PLXDC2: variants seen among roughly 807,000 people sequenced by gnomAD.
The protein encoded by PLXDC2 is plexin domain containing 2, also known as plexin domain-containing protein 2.
In PLXDC2, 40 loss-of-function variants were observed where a neutral mutation model predicts 68.9. The ratio of observed to expected loss-of-function variants is 0.58; its 90% CI spans 0.45 to 0.76. The LOEUF (loss-of-function observed/expected upper bound fraction) is 0.76. Among genes scored for constraint, PLXDC2 ranks in the 30% least tolerant of loss-of-function variants. The pLI, the probability that PLXDC2 is intolerant of heterozygous loss-of-function variation, is 0.00. For missense variants in PLXDC2, 644 were observed against 661.9 expected, an observed-to-expected ratio of 0.97 and a Z score of 0.30; for synonymous variants, 243 against 234.2, an observed-to-expected ratio of 1.04 and a Z score of -0.34.
At chr10:19,944,835 C>T (rs1833875221) in intron 1 of PLXDC2, among the ~76,000 whole-genome samples, 1 of 152,050 alleles carries the variant, frequency 6.6e-6, no homozygotes, top group South Asian at 2.1e-4. Context: ...ACCTGTAATC[C>T]CAGCCACTCG....
chr10:19,883,325 A>G (rs1201052200), intron 1 of PLXDC2, among the ~76,000 whole-genome samples: 1 of 152,166 alleles, frequency 6.6e-6, no homozygotes, highest in African/African-American at 2.4e-5. Flanking sequence ...GAATAGTGAA[A>G]AGCATGAGAG....
chr10:20,097,685 G>T (rs190620040), intron 4 of PLXDC2, among the ~76,000 whole-genome samples: 1 of 152,034 alleles, frequency 6.6e-6, no homozygotes, highest in Non-Finnish European at 1.5e-5. Context: ...AAAACACTCA[G>T]GTAGTTTCTG....
At chr10:20,264,963 G>A (rs74624973) in intron 13 of PLXDC2, among the ~76,000 whole-genome samples, 7 of 151,974 alleles carry the variant, frequency 4.6e-5, no homozygotes, top group Admixed American at 6.6e-5. Flanking sequence ...TTCTAGTAAG[G>A]TCGCTGGATG....
intron 4 of PLXDC2, among the ~76,000 whole-genome samples, chr10:20,099,313 T>C (rs1157723005): frequency 6.6e-6 from 1 of 152,182 alleles, no homozygotes; most frequent in Non-Finnish European, 1.5e-5. Flanking sequence ...AGAGATCTTC[T>C]TGTTCATTCT....
At chr10:19,825,033 T>G (rs1836544338) in intron 1 of PLXDC2, among the ~76,000 whole-genome samples, 2 of 152,144 alleles carry the variant, frequency 1.3e-5, no homozygotes, top group South Asian at 4.1e-4. Context: ...ATCTAAGCGC[T>G]GGTACCTTTA....
At chr10:20,125,943 TA>T (rs1833768123) in intron 4 of PLXDC2, among the ~76,000 whole-genome samples, 1 of 148,568 alleles carries the variant, frequency 6.7e-6, no homozygotes, top group Admixed American at 6.7e-5. Flanking sequence ...CATATATATA[TA>T]TATATATAAT....
At chr10:20,191,907 G>A (rs1189676065) in intron 9 of PLXDC2, among the ~76,000 whole-genome samples, 3 of 151,982 alleles carry the variant, frequency 2.0e-5, no homozygotes, top group African/African-American at 7.2e-5. Flanking sequence ...ACCTAGAGAT[G>A]CTTAAAATAT....
intron 13 of PLXDC2, among the ~76,000 whole-genome samples, chr10:20,256,648 T>C (rs1835745788): frequency 6.6e-6 from 1 of 152,182 alleles, no homozygotes; most frequent in Non-Finnish European, 1.5e-5. Flanking sequence ...TGTTTAATGT[T>C]GGAATTTATG....
intron 7 of PLXDC2, 152 bp from the exon 8 acceptor site, chr10:20,176,847 A>G: frequency 1.7e-6 from 1 of 579,372 alleles, no homozygotes; most frequent in Non-Finnish European, 3.0e-6. Context: ...TGTGATTTTT[A>G]CATATTTTGT....
intron 1 of PLXDC2, among the ~76,000 whole-genome samples, chr10:19,976,901 T>C (rs1834467027): frequency 1.3e-5 from 2 of 152,054 alleles, no homozygotes; most frequent in Non-Finnish European, 2.9e-5. Context: ...CCTCTTTTAA[T>C]CCTTCTTTTA....
intron 13 of PLXDC2, among the ~76,000 whole-genome samples, chr10:20,273,739 A>G (rs1319429695): frequency 2.0e-5 from 3 of 152,216 alleles, no homozygotes; most frequent in Non-Finnish European, 2.9e-5. Flanking sequence ...TTGCATGGCC[A>G]GGTGCAATGG....
At chr10:20,134,896 T>C (rs1833915056) in intron 4 of PLXDC2, among the ~76,000 whole-genome samples, 1 of 152,182 alleles carries the variant, frequency 6.6e-6, no homozygotes, top group South Asian at 2.1e-4. Context: ...TGTTGGGGTC[T>C]ACAGCGAAAC....
At chr10:20,129,615 G>C (rs1451603247) in intron 4 of PLXDC2, among the ~76,000 whole-genome samples, 1 of 135,392 alleles carries the variant, frequency 7.4e-6, no homozygotes, top group Non-Finnish European at 1.7e-5. Context: ...CATTTTCCCT[G>C]TGTTTTCTTC....
chr10:20,196,496 C>A (rs544985325), intron 9 of PLXDC2, among the ~76,000 whole-genome samples: 3 of 151,008 alleles, frequency 2.0e-5, no homozygotes, highest in Non-Finnish European at 4.4e-5. Context: ...TTTACATTAT[C>A]TCATTTAATA....
At chr10:20,104,254 A>G (rs1833460791) in intron 4 of PLXDC2, among the ~76,000 whole-genome samples, 1 of 152,232 alleles carries the variant, frequency 6.6e-6, no homozygotes, top group African/African-American at 2.4e-5. Flanking sequence ...TAGCAGCAGT[A>G]GTTACTTCTG....
chr10:20,151,309 C>T (rs1029963040), intron 6 of PLXDC2, among the ~76,000 whole-genome samples: 1 of 152,180 alleles, frequency 6.6e-6, no homozygotes, highest in African/African-American at 2.4e-5. Flanking sequence ...AAAGTACTTT[C>T]ACATGCATTA....
chr10:20,064,163 A>T (rs1373664354), intron 3 of PLXDC2, among the ~76,000 whole-genome samples: 1 of 151,566 alleles, frequency 6.6e-6, no homozygotes, highest in Non-Finnish European at 1.5e-5. Flanking sequence ...GATGAAATCC[A>T]AGAGCACATA....
chr10:19,976,381 T>C (rs568112743), intron 1 of PLXDC2, among the ~76,000 whole-genome samples: 2 of 152,120 alleles, frequency 1.3e-5, no homozygotes, highest in Admixed American at 6.5e-5. Context: ...ACCCGGCTAA[T>C]TTTTTGTAGT....
chr10:20,213,259 G>A (rs1403487184), intron 10 of PLXDC2, among the ~76,000 whole-genome samples: 4 of 151,852 alleles, frequency 2.6e-5, no homozygotes, highest in Non-Finnish European at 5.9e-5. Flanking sequence ...ATTCAGTTTC[G>A]TGGGGTTTTT....
Sources: allele counts gnomAD v4.1 joint callset (sites outside exome capture counted in the v4.1 genomes callset), GRCh38; gene constraint gnomAD v4.1.1; transcripts MANE v1.5; gene names NCBI Gene and HGNC (gene_info 2026-07-23, HGNC 2026-07-21).